The following NRXN3 variants were observed in gnomAD, a reference collection of about 807,000 sequenced individuals.
NRXN3 encodes neurexin 3, also known as neurexin III.
A neutral mutation model predicts 137.6 loss-of-function variants in NRXN3; 32 were observed. That is an observed-to-expected ratio of 0.23 (90% CI 0.18 to 0.31). The LOEUF (loss-of-function observed/expected upper bound fraction) is 0.31, where lower values mean the gene tolerates loss of function less well. Ranked by LOEUF, NRXN3 falls within the 10% of genes least tolerant of loss-of-function variation. The pLI, the probability that NRXN3 is intolerant of heterozygous loss-of-function variation, is 1.00. For synonymous variants in NRXN3, 798 were observed against 784.5 expected, an observed-to-expected ratio of 1.02 and a Z score of -0.29; for missense variants, 1,574 against 2,062.5, an observed-to-expected ratio of 0.76 and a Z score of 4.59.
chr14:78,256,697 C>G (rs1567096913), intron 2 of NRXN3, among the ~76,000 whole-genome samples: 1 of 152,336 alleles, frequency 6.6e-6, no homozygotes, highest in East Asian at 1.9e-4. Flanking sequence ...GCTCATATTC[C>G]TAGGAACCTG....
intron 16 of NRXN3, among the ~76,000 whole-genome samples, chr14:79,625,197 A>G (rs567169913): frequency 6.6e-6 from 1 of 152,276 alleles, no homozygotes; most frequent in African/African-American, 2.4e-5. Context: ...CCTTCTTTTT[A>G]AGACTAAATA....
chr14:78,307,945 G>A lies in NRXN3; in HGVS notation c.757+10085G>A, dbSNP rs77934920. Among the ~76,000 whole-genome samples the A allele has an allele frequency of 8.6e-3, 1,307 of 152,200 alleles. 6 individuals are homozygous for A. The highest frequency in any genetic ancestry group is 0.014 in the Non-Finnish European group (979 of 67,980). On this transcript the variant is annotated intron_variant, in intron 4 of 20. Transcript: ENST00000335750. ...TACTGTTGACTCTTAAAGAGATACT[G>A]CTCTTTTTTTCCCCCAACCCACACA... is the stretch of plus-strand genomic sequence containing the variant.
At chr14:78,552,667 CAATA>C (rs572002352) in intron 4 of NRXN3, among the ~76,000 whole-genome samples, 4 of 151,708 alleles carry the variant, frequency 2.6e-5, no homozygotes, top group African/African-American at 7.3e-5. Context: ...TCTCTGTCTC[CAATA>C]AATAAATAAA....
At chr14:79,526,328 T>C (rs889983364) in intron 16 of NRXN3, among the ~76,000 whole-genome samples, 24 of 152,316 alleles carry the variant, frequency 1.6e-4, no homozygotes, top group African/African-American at 5.8e-4. Context: ...ATTACAAGTG[T>C]GAGCTGCCAC....
intron 19 of NRXN3, among the ~76,000 whole-genome samples, chr14:79,778,415 C>T (rs2099104118): frequency 6.6e-6 from 1 of 151,634 alleles, no homozygotes; most frequent in Non-Finnish European, 1.5e-5. Context: ...GACTCTGTCT[C>T]AAAACAAAAA....
intron 4 of NRXN3, among the ~76,000 whole-genome samples, chr14:78,351,463 T>C (rs1467874947): frequency 6.6e-6 from 1 of 152,228 alleles, no homozygotes; most frequent in African/African-American, 2.4e-5. Flanking sequence ...AGACGTTCTC[T>C]TTCTCCATGT....
At chr14:78,855,009 C>T (rs1297125243) in intron 10 of NRXN3, among the ~76,000 whole-genome samples, 3 of 151,964 alleles carry the variant, frequency 2.0e-5, no homozygotes, top group African/African-American at 7.2e-5. Context: ...ACTAAAAATA[C>T]AAAAATTAGC....
At chr14:78,597,170 C>T (rs894755077) in intron 4 of NRXN3, among the ~76,000 whole-genome samples, 23 of 152,114 alleles carry the variant, frequency 1.5e-4, no homozygotes, top group African/African-American at 5.3e-4. Context: ...ATGAGGTGGT[C>T]TGAGAAGCTG....
chr14:79,493,624 T>C (rs1056398449), intron 16 of NRXN3, among the ~76,000 whole-genome samples: 2 of 152,154 alleles, frequency 1.3e-5, no homozygotes, highest in African/African-American at 4.8e-5. Flanking sequence ...ACGGGATGAA[T>C]AGGTATGGAT....
chr14:79,030,921 G>C (rs887547732), intron 15 of NRXN3, among the ~76,000 whole-genome samples: 3 of 151,768 alleles, frequency 2.0e-5, no homozygotes, highest in African/African-American at 7.3e-5. Flanking sequence ...GCCTCTCTCT[G>C]TTTGTATCTT....
chr14:79,829,027 A>G (rs945937476), intron 20 of NRXN3, among the ~76,000 whole-genome samples: 3 of 152,164 alleles, frequency 2.0e-5, no homozygotes, highest in Non-Finnish European at 4.4e-5. Context: ...CTTCCTCACC[A>G]TCACCCTCAC....
chr14:79,707,227 A>G (rs544642919), intron 19 of NRXN3, among the ~76,000 whole-genome samples: 1 of 152,342 alleles, frequency 6.6e-6, no homozygotes, highest in South Asian at 2.1e-4. Context: ...GCTCAAAAAT[A>G]TCAGTTGAAG....
intron 15 of NRXN3, among the ~76,000 whole-genome samples, chr14:79,137,422 C>T (rs1417976178): frequency 1.4e-5 from 2 of 144,494 alleles, no homozygotes; most frequent in African/African-American, 5.2e-5. Flanking sequence ...CCAACACGCA[C>T]ACATACACAT....
intron 10 of NRXN3, among the ~76,000 whole-genome samples, chr14:78,822,467 G>C (rs1258433191): frequency 6.6e-6 from 1 of 152,002 alleles, no homozygotes; most frequent in Non-Finnish European, 1.5e-5. Flanking sequence ...TTGAGGTCAG[G>C]AGTTCGAGAC....
intron 15 of NRXN3, among the ~76,000 whole-genome samples, chr14:79,268,653 A>G (rs1001350017): frequency 6.6e-6 from 1 of 152,234 alleles, no homozygotes; most frequent in South Asian, 2.1e-4. Context: ...CATAAATTGC[A>G]TAGGATTTAG....
At chr14:78,375,528 GC>G (rs1481732582) in intron 4 of NRXN3, among the ~76,000 whole-genome samples, 4 of 152,146 alleles carry the variant, frequency 2.6e-5, no homozygotes, top group African/African-American at 9.7e-5. Context: ...TACTTAGTAA[GC>G]TCCTATTATG....
At chr14:79,067,056 G>T (rs1017293460) in intron 15 of NRXN3, among the ~76,000 whole-genome samples, 1 of 152,042 alleles carries the variant, frequency 6.6e-6, no homozygotes, top group African/African-American at 2.4e-5. Flanking sequence ...GTTTTCAGGG[G>T]GAATGTTTCC....
chr14:78,570,738 G>T (rs1055353945), intron 4 of NRXN3, among the ~76,000 whole-genome samples: 3 of 152,218 alleles, frequency 2.0e-5, no homozygotes, highest in Non-Finnish European at 4.4e-5. Flanking sequence ...GAGACAGGCA[G>T]ACAAAGCGTA....
At chr14:79,473,659 A>G (rs969492869) in intron 16 of NRXN3, among the ~76,000 whole-genome samples, 1 of 152,188 alleles carries the variant, frequency 6.6e-6, no homozygotes, top group African/African-American at 2.4e-5. Flanking sequence ...CGAACAAGAA[A>G]ACAACAGAGG....
Sources: gnomAD v4.1 joint callset for allele counts (sites outside exome capture counted in the v4.1 genomes callset) on GRCh38, gnomAD v4.1.1 for gene constraint, MANE v1.5 for transcripts, NCBI Gene and HGNC (gene_info 2026-07-23, HGNC 2026-07-21) for gene names.